RUNX1: variants seen among roughly 807,000 people sequenced by gnomAD.
The protein encoded by RUNX1 is runt-related transcription factor 1.
RUNX1 carries 19 observed loss-of-function variants against 42.8 expected under a neutral mutation model. That is an observed-to-expected ratio of 0.44 (90% confidence interval 0.31 to 0.65). RUNX1 has a LOEUF of 0.65. Ranked by LOEUF, RUNX1 falls within the 30% of genes least tolerant of loss-of-function variation. RUNX1 has a pLI of 0.07. For synonymous variants in RUNX1, 271 were observed against 289.4 expected (o/e 0.94, Z 0.64); for missense variants, 528 against 672.0 (o/e 0.79, Z 2.37).
chr21:35,019,792 G>T (rs1422139524), intron 2 of RUNX1, among the ~76,000 whole-genome samples: 3 of 152,014 alleles, frequency 2.0e-5, no homozygotes, highest in African/African-American at 7.2e-5. Context: ...CAGAACAAGG[G>T]GACAATTAGC....
intron 2 of RUNX1, among the ~76,000 whole-genome samples, chr21:34,943,499 T>C (rs1336555488): frequency 6.6e-6 from 1 of 152,186 alleles, no homozygotes; most frequent in Non-Finnish European, 1.5e-5. Flanking sequence ...CAAAGAAAGA[T>C]AAGGGGATCA....
At chr21:34,862,169 T>C (rs1467201713) in intron 5 of RUNX1, among the ~76,000 whole-genome samples, 4 of 151,860 alleles carry the variant, frequency 2.6e-5, no homozygotes, top group Admixed American at 2.6e-4. Context: ...GAGTTACAAG[T>C]TTGGGGATGC....
At chr21:34,865,279 CGT>C (rs61238560) in intron 5 of RUNX1, among the ~76,000 whole-genome samples, 12,050 of 132,194 alleles carry the variant, frequency 0.091, 524 homozygotes, top group East Asian at 0.11. Flanking sequence ...GGGTTTTGTG[CGT>C]GTGTGTGTGT....
At chr21:34,961,958 T>C (rs772605842) in intron 2 of RUNX1, among the ~76,000 whole-genome samples, 18 of 152,148 alleles carry the variant, frequency 1.2e-4, no homozygotes, top group Admixed American at 6.5e-5. Context: ...AGTGGCATAA[T>C]CACAACTCAC....
chr21:34,999,831 T>G (rs959931757), intron 2 of RUNX1, among the ~76,000 whole-genome samples: 1 of 152,222 alleles, frequency 6.6e-6, no homozygotes, highest in African/African-American at 2.4e-5. Context: ...TGCGTCAGAC[T>G]AAGCTTTCTA....
intron 3 of RUNX1, chr21:34,888,429 A>C: frequency 9.4e-7 from 1 of 1,067,358 alleles, no homozygotes; most frequent in South Asian, 4.5e-5. Context: ...AATTGGGGAA[A>C]AGTTCGCAGC....
At chr21:34,813,556 G>A (rs897284144) in intron 7 of RUNX1, among the ~76,000 whole-genome samples, 11 of 151,916 alleles carry the variant, frequency 7.2e-5, no homozygotes, top group African/African-American at 9.7e-5. Flanking sequence ...GGTTTAAGGC[G>A]ACTGCTCTCT....
chr21:34,886,723 CG>C, intron 4 of RUNX1, 119 bp downstream of exon 4: 1 of 1,499,126 alleles, frequency 6.7e-7, no homozygotes, highest in South Asian at 1.2e-5. Flanking sequence ...AAGACCGACC[CG>C]GGGCTGCGGG....
intron 6 of RUNX1, chr21:34,856,162 G>A: frequency 2.8e-6 from 1 of 360,324 alleles, no homozygotes; most frequent in Non-Finnish European, 5.5e-6. Context: ...TTACCCGTCG[G>A]CATGAAAAAC....
chr21:34,889,206 C>T (rs1027271429), intron 3 of RUNX1, among the ~76,000 whole-genome samples: 1 of 152,054 alleles, frequency 6.6e-6, no homozygotes, highest in Non-Finnish European at 1.5e-5. Context: ...AGGGCCAGGC[C>T]TCCGCTTCCA....
chr21:34,837,150 T>G (rs775430028), intron 6 of RUNX1, among the ~76,000 whole-genome samples: 1 of 152,184 alleles, frequency 6.6e-6, no homozygotes, highest in African/African-American at 2.4e-5. Flanking sequence ...TTAGCAGAAG[T>G]GTTCAGGCAT....
intron 3 of RUNX1, chr21:34,887,478 A>G (rs2058015269): frequency 2.4e-6 from 3 of 1,236,634 alleles, no homozygotes; most frequent in Non-Finnish European, 3.1e-6. Flanking sequence ...CACTTCCTAA[A>G]ATATTTATGC....
intron 6 of RUNX1, among the ~76,000 whole-genome samples, chr21:34,852,822 A>G (rs2057441499): frequency 6.6e-6 from 1 of 152,230 alleles, no homozygotes; most frequent in Non-Finnish European, 1.5e-5. Context: ...AAGAGGAATT[A>G]AGTAGCTCAT....
chr21:34,904,218 A>C (rs1236566990), intron 2 of RUNX1, among the ~76,000 whole-genome samples: 2 of 152,134 alleles, frequency 1.3e-5, no homozygotes, highest in Non-Finnish European at 2.9e-5. Context: ...GGTAAGGCAA[A>C]TTTTGCTAGA....
intron 2 of RUNX1, among the ~76,000 whole-genome samples, chr21:34,933,012 C>T (rs1390266768): frequency 2.6e-5 from 4 of 152,190 alleles, no homozygotes; most frequent in Admixed American, 2.6e-4. Flanking sequence ...TGTACGTGTG[C>T]ATAATGATCA....
chr21:34,878,673 G>T (rs1217327909), intron 5 of RUNX1, among the ~76,000 whole-genome samples: 1 of 152,032 alleles, frequency 6.6e-6, no homozygotes, highest in African/African-American at 2.4e-5. Flanking sequence ...TCCACACCTT[G>T]GGGAAACAGT....
rs145497071 is a variant in RUNX1, at chr21:34,821,626, C to G, written c.805+12784G>C. On this transcript the variant is annotated intron_variant, in intron 7 of 8. Coordinates refer to ENST00000675419, the MANE Select transcript of RUNX1 (RefSeq NM_001754.5). ...GATGAGATGGAAAAGATAGCTCTAT[C>G]CTGGCTGGGGAGAGGGATGGACAGA... The G allele has an allele frequency of 5.5e-5, 85 of 1,558,280 alleles. No homozygotes were observed. In the African/African-American group the frequency reaches 1.0e-3, roughly 18 times the overall value.
intron 3 of RUNX1, among the ~76,000 whole-genome samples, chr21:34,891,182 A>C (rs2058077216): frequency 6.6e-6 from 1 of 152,196 alleles, no homozygotes; most frequent in Non-Finnish European, 1.5e-5. Flanking sequence ...TCGAGTAAGG[A>C]AAGTTGGTCC....
At chr21:34,912,525 T>C (rs1019329297) in intron 2 of RUNX1, among the ~76,000 whole-genome samples, 1 of 152,168 alleles carries the variant, frequency 6.6e-6, no homozygotes, top group Non-Finnish European at 1.5e-5. Context: ...TGCAAATATA[T>C]GGTTTTTCTC....
Sources: gnomAD v4.1 joint callset for allele counts (sites outside exome capture counted in the v4.1 genomes callset) on GRCh38, gnomAD v4.1.1 for gene constraint, MANE v1.5 for transcripts, NCBI Gene and HGNC (gene_info 2026-07-23, HGNC 2026-07-21) for gene names.